NLGN3: variants seen among roughly 807,000 people sequenced by gnomAD.
NLGN3 encodes neuroligin-3.
Under a neutral mutation model 42.9 loss-of-function variants are expected in NLGN3, and 11 were observed. The observed-to-expected ratio is 0.26, with a 90% CI of 0.16 to 0.42. The LOEUF (loss-of-function observed/expected upper bound fraction) is 0.42. NLGN3 is among the 10% of genes least tolerant of loss of function. The pLI, the probability that NLGN3 is intolerant of heterozygous loss-of-function variation, is 1.00. For synonymous variants in NLGN3, 279 were observed against 312.7 expected (o/e 0.89, Z 1.14); for missense variants, 374 against 733.8 (o/e 0.51, Z 5.67).
chrX:71,159,628 C>T (rs1319774071), intron 5 of NLGN3, among the ~76,000 whole-genome samples: 2 of 111,741 alleles, frequency 1.8e-5, no homozygotes, highest in Non-Finnish European at 3.8e-5. Flanking sequence ...ATCAATAAGC[C>T]CGTATTGGAT....
intron 3 of NLGN3, among the ~76,000 whole-genome samples, chrX:71,149,631 C>T (rs1052983390): frequency 2.7e-5 from 3 of 112,003 alleles, no homozygotes; most frequent in South Asian, 3.7e-4. Flanking sequence ...TCTCTGGAAG[C>T]GTCTAAGGCA....
rs760166426 is a variant in NLGN3 at position 71,170,182 on chromosome X, GACAC to G, written c.*101_*104del. On this transcript the variant is annotated 3_prime_UTR_variant, in exon 8 of 8. Transcript: ENST00000358741. ...GCACACACACACACACACACACGCA[GACAC>G]ACACACACACACACATATATGTATA... 138 of 1,021,048 alleles carry G rather than the reference GACAC, an allele frequency of 1.4e-4. No homozygotes were observed. Among genetic ancestry groups the G allele is most frequent in the South Asian group, 1.3e-3 (59 of 46,456 alleles). The allele number at this position is 1,021,048 out of a possible 1,213,427, so 84.1% of individuals were successfully genotyped here. A position where few individuals can be genotyped will look rare whatever the true frequency, so the allele number is the denominator to read the frequency against.
chrX:71,169,273 C>T lies in NLGN3; in HGVS notation c.1723C>T (p.Pro575Ser), dbSNP rs1262356370. ...TTTCAGGGATCCCAACAAGCCGGTC[C>T]CCCAGGACACCAAGTTCATTCACAC... ...AKTGDPNKPV[P>S]QDTKFIHTKA... The change falls in exon 8 of 8, where the codon CCC becomes TCC. Residue 575 changes from proline (P) to serine (S), a missense_variant. Coordinates refer to ENST00000358741, the MANE Select transcript of NLGN3 (RefSeq NM_181303.2). 1 of 1,211,235 alleles carries T rather than the reference C, an allele frequency of 8.3e-7. No homozygotes were observed. The highest frequency in any genetic ancestry group is 1.1e-6 in the Non-Finnish European group (1 of 895,359).
chrX:71,150,351 G>T (rs1255152859), intron 3 of NLGN3, among the ~76,000 whole-genome samples: 1 of 111,621 alleles, frequency 9.0e-6, no homozygotes, highest in African/African-American at 3.3e-5. Context: ...GTAGGGTACA[G>T]TTCTGGCCTT....
At chrX:71,150,750 A>G (rs1159087433) in intron 3 of NLGN3, among the ~76,000 whole-genome samples, 3 of 110,362 alleles carry the variant, frequency 2.7e-5, no homozygotes, top group Non-Finnish European at 5.7e-5. Context: ...AAAAACCTGA[A>G]GGAGAGATGG....
chrX:71,174,404 T>G (rs911522448), downstream of NLGN3, among the ~76,000 whole-genome samples: 2 of 111,802 alleles, frequency 1.8e-5, no homozygotes, highest in Non-Finnish European at 3.8e-5. Context: ...ATGGCCCCAC[T>G]TTGACAGATG....
At chrX:71,157,305 T>TA (rs2092413128) in intron 5 of NLGN3, among the ~76,000 whole-genome samples, 1 of 107,651 alleles carries the variant, frequency 9.3e-6, no homozygotes, top group Admixed American at 1.0e-4. Context: ...TTTATTTATT[T>TA]ATTTATTTAT....
At chrX:71,149,696 C>A (rs1444916517) in intron 3 of NLGN3, among the ~76,000 whole-genome samples, 2 of 111,409 alleles carry the variant, frequency 1.8e-5, no homozygotes, top group African/African-American at 3.3e-5. Flanking sequence ...GAGTGACTTG[C>A]TGCTGCTCAA....
At chrX:71,168,735 GAAAA>G (rs1167201152) in intron 7 of NLGN3, among the ~76,000 whole-genome samples, 34 of 39,754 alleles carry the variant, frequency 8.6e-4, no homozygotes, top group African/African-American at 2.8e-3. Flanking sequence ...AAAAAAAAAA[GAAAA>G]AAAAAGAGAG....
intron 5 of NLGN3, among the ~76,000 whole-genome samples, chrX:71,156,075 C>T (rs1373896486): frequency 1.8e-5 from 2 of 110,469 alleles, no homozygotes; most frequent in Non-Finnish European, 3.8e-5. Context: ...ACATCTACAC[C>T]GATACCCACG....
chrX:71,149,342 C>T (rs181623840), intron 3 of NLGN3, among the ~76,000 whole-genome samples: 1 of 110,839 alleles, frequency 9.0e-6, no homozygotes, highest in Non-Finnish European at 1.9e-5. Flanking sequence ...TTAGACCAAA[C>T]GTGTACACAG....
At chrX:71,146,200 C>G (rs2092369369) in intron 1 of NLGN3, among the ~76,000 whole-genome samples, 1 of 99,650 alleles carries the variant, frequency 1.0e-5, no homozygotes, top group Non-Finnish European at 2.0e-5. Flanking sequence ...CACACACACA[C>G]ACACACACAC....
intron 1 of NLGN3, among the ~76,000 whole-genome samples, chrX:71,146,159 A>T (rs1460115602): frequency 7.4e-4 from 32 of 43,418 alleles, no homozygotes; most frequent in African/African-American, 4.2e-3. Context: ...TCTCTCACAC[A>T]CACACACACA....
chrX:71,166,668 C>G (rs1280857377), intron 6 of NLGN3, among the ~76,000 whole-genome samples: 9 of 111,537 alleles, frequency 8.1e-5, no homozygotes, highest in Admixed American at 1.9e-4. Flanking sequence ...TGGCACGGAG[C>G]TGGGCCCAGC....
intron 3 of NLGN3, among the ~76,000 whole-genome samples, chrX:71,149,925 C>T (rs1051965425): frequency 9.0e-6 from 1 of 111,335 alleles, no homozygotes; most frequent in Admixed American, 9.6e-5. Flanking sequence ...ATCCCTACAA[C>T]CCTCTGGCAA....
At chrX:71,158,839 C>T (rs777432669) in intron 5 of NLGN3, among the ~76,000 whole-genome samples, 1 of 111,555 alleles carries the variant, frequency 9.0e-6, no homozygotes, top group Admixed American at 9.5e-5. Flanking sequence ...GTGAGCATTC[C>T]GTATGATATC....
chrX:71,163,797 G>C (rs1197097000), intron 5 of NLGN3, among the ~76,000 whole-genome samples: 2 of 111,880 alleles, frequency 1.8e-5, no homozygotes, highest in Non-Finnish European at 3.8e-5. Flanking sequence ...TATCTTGCCA[G>C]ATGTTAGGGT....
rs753514041 is a variant in NLGN3, at chrX:71,145,255, C to T, written c.-201+291C>T. 3.8e-5 allele frequency among the ~76,000 whole-genome samples: 4 copies of T among 106,214 alleles called. No homozygotes were observed. The East Asian group carries it at 1.2e-3, about 32-fold the overall frequency. The allele number at this position is 106,214 out of a possible 115,157, so 92.2% of individuals were successfully genotyped here. A position where few individuals can be genotyped will look rare whatever the true frequency, so the allele number is the denominator to read the frequency against. ...CCCTATTGAGGGCCCCCAGCCCCAT[C>T]CCGGGATTGCACATTGCCAGTCCCC... is the stretch of plus-strand genomic sequence containing the variant. On this transcript the variant is annotated intron_variant, in intron 1 of 7. Transcript: ENST00000358741.
rs1255807224 is a variant in NLGN3 at position 71,168,820 on chromosome X, AAAAAG to A, written c.1704-430_1704-426del. On this transcript the variant is annotated intron_variant, in intron 7 of 7. Transcript: ENST00000358741. ...AGAGAGAAAGAAAGAAAGAGAAAAAAAAAAGAAAGAAAGAAAGAAAGAAAGAAAGA... is the reference window on the plus strand; with the variant it reads ...AGAGAGAAAGAAAGAAAGAGAAAAAAAAAGAAAGAAAGAAAGAAAGAAAGA... 9.5e-4 allele frequency among the ~76,000 whole-genome samples: 70 copies of A among 73,820 alleles called. 1 individual carries two copies. Among genetic ancestry groups the A allele is most frequent in the South Asian group, 2.1e-3 (3 of 1,428 alleles). 64.1% of individuals were successfully genotyped at this position (73,820 alleles called of 115,157 possible).
Sources: gnomAD v4.1 joint callset for allele counts (sites outside exome capture counted in the v4.1 genomes callset) on GRCh38, gnomAD v4.1.1 for gene constraint, MANE v1.5 for transcripts, NCBI Gene and HGNC (gene_info 2026-07-23, HGNC 2026-07-21) for gene names.